The following PRKD2 variants were observed in gnomAD, a reference collection of about 807,000 sequenced individuals.
PRKD2 encodes the protein protein kinase D2.
In PRKD2, 22 loss-of-function variants were observed where a neutral mutation model predicts 86.0. That is an observed-to-expected ratio of 0.26 (90% CI 0.18 to 0.37). The LOEUF (loss-of-function observed/expected upper bound fraction) is 0.37. PRKD2 is among the 10% of genes least tolerant of loss of function. The probability of loss-of-function intolerance (pLI) is 1.00; values close to 1 mark genes in which losing one functional copy is unlikely to be tolerated. For missense variants in PRKD2, 818 were observed against 1,199.2 expected, an observed-to-expected ratio of 0.68 and a Z score of 4.70; for synonymous variants, 509 against 510.9, an observed-to-expected ratio of 1.00 and a Z score of 0.05.
intron 7 of PRKD2, among the ~76,000 whole-genome samples, chr19:46,698,478 A>G (rs1028197597): frequency 2.6e-5 from 4 of 152,226 alleles, no homozygotes; most frequent in African/African-American, 9.6e-5. Context: ...TGAGGAATGG[A>G]AACCTTTCTA....
chr19:46,684,999 G>A (rs375404909), intron 14 of PRKD2, among the ~76,000 whole-genome samples: 78 of 150,138 alleles, frequency 5.2e-4, no homozygotes, highest in African/African-American at 1.6e-3. Context: ...GGTGGCTCAC[G>A]CCTGTAATCC....
chr19:46,694,346 A>G (rs1158840722), intron 9 of PRKD2, among the ~76,000 whole-genome samples: 6 of 152,046 alleles, frequency 3.9e-5, no homozygotes, highest in African/African-American at 1.4e-4. Context: ...TGTAATCCCA[A>G]CACTTTGGAA....
chr19:46,681,583 TCCCCA>T, intron 15 of PRKD2, 62 bp downstream of exon 15: 1 of 671,506 alleles, frequency 1.5e-6, no homozygotes. Flanking sequence ...ATAATCCCCT[TCCCCA>T]CCCCCACCCC....
At position 46,680,327 on chromosome 19, in the gene PRKD2, G is replaced by A. The variant is rs558315638; in HGVS notation, c.2070+1323C>T. Among the ~76,000 whole-genome samples, 7 of 151,762 alleles carry A rather than the reference G, an allele frequency of 4.6e-5. No individual in the cohort carries two copies. In the South Asian group the frequency reaches 1.2e-3, roughly 27 times the overall value. On this transcript the variant is annotated intron_variant, in intron 15 of 17. Coordinates refer to ENST00000291281, the MANE Select transcript of PRKD2 (RefSeq NM_016457.5). ...TTTTTGAGACGAGTCTTGGTCTGTC[G>A]TCCAGGCTGGAGTGCAGTGGTGTGA...
At chr19:46,694,530 G>C (rs2053529445) in intron 9 of PRKD2, among the ~76,000 whole-genome samples, 1 of 152,080 alleles carries the variant, frequency 6.6e-6, no homozygotes, top group South Asian at 2.1e-4. Context: ...GGGAGGCGGT[G>C]GTTGTAATGA....
chr19:46,709,046 G>A (rs543799019), intron 3 of PRKD2, among the ~76,000 whole-genome samples: 4 of 143,984 alleles, frequency 2.8e-5, no homozygotes, highest in East Asian at 2.1e-4. Context: ...GCACGATCTC[G>A]GCTCACTGCA....
chr19:46,693,875 T>C lies in PRKD2; in HGVS notation c.1576A>G (p.Arg526Gly), dbSNP rs371981872. The C allele has an allele frequency of 5.3e-5, 85 of 1,593,618 alleles. No individual in the cohort carries two copies. Among genetic ancestry groups the C allele is most frequent in the Non-Finnish European group, 7.0e-5 (82 of 1,170,578 alleles). ...AAGGACCCGAGGTGGGAGGACTTAC[T>C]GTGGGGCGCGTGGCCTGGGGCGCTG... ...APSAPGHAPH[R>G]QASLSISVSN... Residue 526 changes from arginine to glycine, a missense_variant and splice_region_variant, in exon 10 of 18, where the codon AGA becomes GGA. Coordinates refer to ENST00000291281, the MANE Select transcript of PRKD2 (RefSeq NM_016457.5). The surrounding 1 kb of genome is among the most constrained non-coding windows in gnomAD (Gnocchi z 4.5).
chr19:46,716,401 C>G lies in PRKD2; in HGVS notation c.-31G>C. The G allele has an allele frequency of 7.3e-7, 1 of 1,366,832 alleles. No homozygotes were observed. The highest frequency in any genetic ancestry group is 1.7e-5 in the South Asian group (1 of 58,612). The allele number at this position is 1,366,832 out of a possible 1,614,324, so 84.7% of individuals were successfully genotyped here. ...GAGGCCGGGGACCGGCCGCCTGGAG[C>G]CCACCCGGGACCCGGCCGGGGGGCC... On this transcript the variant is annotated 5_prime_UTR_variant, in exon 1 of 18. Transcript: ENST00000291281. This position sits in a 1 kb window ranked among gnomAD's most constrained non-coding sequence, Gnocchi z 7.9.
In PRKD2 at chr19:46,682,523, A is replaced by G. The variant is rs1356261337; in HGVS notation, c.1972-775T>C. 1.3e-5 allele frequency among the ~76,000 whole-genome samples: 2 copies of G among 152,106 alleles called. 1 individual carries two copies. The highest frequency in any genetic ancestry group is 1.3e-4 in the Admixed American group (2 of 15,254). On this transcript the variant is annotated intron_variant, in intron 14 of 17. Transcript: ENST00000291281. Reference sequence around the variant, plus strand: ...CCAGGGAAACAGGAGGCACTGGAGCACCAAAGAATCTCAGAATCATAGAAC... The same window carrying G: ...CCAGGGAAACAGGAGGCACTGGAGCGCCAAAGAATCTCAGAATCATAGAAC...
intron 7 of PRKD2, among the ~76,000 whole-genome samples, chr19:46,699,514 G>T (rs1599831459): frequency 6.6e-6 from 1 of 152,164 alleles, no homozygotes; most frequent in South Asian, 2.1e-4. Flanking sequence ...ATCACCCCGT[G>T]GGGTAGGTAC....
At chr19:46,705,159 C>A (rs1224932632) in intron 3 of PRKD2, among the ~76,000 whole-genome samples, 2 of 151,994 alleles carry the variant, frequency 1.3e-5, no homozygotes, top group Non-Finnish European at 1.5e-5. Context: ...CACACCCCAC[C>A]TTTTCCCACT....
intron 2 of PRKD2, 50 bp downstream of exon 2, chr19:46,713,813 G>GGC: frequency 1.0e-5 from 7 of 681,392 alleles, no homozygotes; most frequent in East Asian, 3.5e-5. Flanking sequence ...TCCCCCAGAT[G>GGC]CCCCGCCCCC....
intron 14 of PRKD2, among the ~76,000 whole-genome samples, chr19:46,684,099 C>T (rs1440844130): frequency 6.6e-6 from 1 of 152,034 alleles, no homozygotes; most frequent in African/African-American, 2.4e-5. Flanking sequence ...AGTTTAAATA[C>T]TTGTGTTTAT....
rs1012027668 is a variant in PRKD2 at position 46,678,741 on chromosome 19, C to T, written c.2071-78G>A. Reference sequence around the variant, plus strand: ...CCAGCATCCCCACCACACCACCCTCCATGGTATTCCAGAGAAAGCTGGATG... The same window carrying T: ...CCAGCATCCCCACCACACCACCCTCTATGGTATTCCAGAGAAAGCTGGATG... On this transcript the variant is annotated intron_variant, in intron 15 of 17. Coordinates refer to ENST00000291281, the MANE Select transcript of PRKD2 (RefSeq NM_016457.5). This position sits in a 1 kb window ranked among gnomAD's most constrained non-coding sequence, Gnocchi z 5.7. 4.8e-6 allele frequency: 7 copies of T among 1,470,194 alleles called. No individual in the cohort carries two copies. In the African/African-American group the frequency reaches 5.6e-5, roughly 12 times the overall value. The allele number at this position is 1,470,194 out of a possible 1,614,324, so 91.1% of individuals were successfully genotyped here.
rs2053885816 is a variant in PRKD2, at chr19:46,716,712, G to GC, written c.-343dup. ...GATCAGGAGAGCCCGCGATTCAAAG[G>GC]CCCCTTCCCTAGAGGAGGGATTGAG... On this transcript the variant is annotated 5_prime_UTR_variant, in exon 1 of 18. Transcript: ENST00000291281. This position sits in a 1 kb window ranked among gnomAD's most constrained non-coding sequence, Gnocchi z 7.9. 1 of 189,882 alleles carries GC rather than the reference G, an allele frequency of 5.3e-6. No individual in the cohort carries two copies. The highest frequency in any genetic ancestry group is 2.3e-5 in the African/African-American group (1 of 42,744). 11.8% of individuals were successfully genotyped at this position (189,882 alleles called of 1,614,324 possible). A position where few individuals can be genotyped will look rare whatever the true frequency, so the allele number is the denominator to read the frequency against.
At chr19:46,690,749 C>A in intron 12 of PRKD2, 43 bp from the exon 13 acceptor site, 1 of 1,552,196 alleles carries the variant, frequency 6.4e-7, no homozygotes, top group South Asian at 1.1e-5. Context: ...AGAGCAAGAC[C>A]ACCCAGTCCT....
intron 3 of PRKD2, among the ~76,000 whole-genome samples, chr19:46,708,045 C>T (rs1385825773): frequency 7.9e-5 from 12 of 152,164 alleles, no homozygotes; most frequent in Admixed American, 7.9e-4. Context: ...TTGTGGTGAG[C>T]TGAGATCGCG....
chr19:46,696,756 AAAAT>A (rs1311752731), intron 9 of PRKD2, among the ~76,000 whole-genome samples: 2 of 152,206 alleles, frequency 1.3e-5, no homozygotes, highest in African/African-American at 4.8e-5. Flanking sequence ...TCTGTCTCAA[AAAAT>A]AAATAAATAA....
chr19:46,687,714 C>T (rs1426278483), intron 14 of PRKD2, among the ~76,000 whole-genome samples: 3 of 152,228 alleles, frequency 2.0e-5, no homozygotes, highest in East Asian at 3.8e-4. Flanking sequence ...TAGCCCTGCT[C>T]ACCTGAGCTA....
Sources: allele counts gnomAD v4.1 joint callset (sites outside exome capture counted in the v4.1 genomes callset), GRCh38; gene constraint gnomAD v4.1.1; non-coding constraint Gnocchi (gnomAD v3.1); transcripts MANE v1.5; gene names NCBI Gene and HGNC (gene_info 2026-07-23, HGNC 2026-07-21).